KLRG1: variants seen among roughly 807,000 people sequenced by gnomAD.
The protein encoded by KLRG1 is killer cell lectin like receptor G1.
In KLRG1, 16 loss-of-function variants were observed where a neutral mutation model predicts 21.8. The observed-to-expected ratio is 0.73, with a 90% CI of 0.50 to 1.11. The LOEUF (loss-of-function observed/expected upper bound fraction) is 1.11. KLRG1 is among the 50% of genes most tolerant of loss of function. KLRG1 has a pLI of 0.00. For missense variants in KLRG1, 173 were observed against 218.3 expected, an observed-to-expected ratio of 0.79 and a Z score of 1.31; for synonymous variants, 69 against 75.9, an observed-to-expected ratio of 0.91 and a Z score of 0.47.
chr12:9,035,108 A>G, the KLRG1 span, among the ~76,000 whole-genome samples: 1 of 152,232 alleles, frequency 6.6e-6, no homozygotes, highest in African/African-American at 2.4e-5. Flanking sequence ...TGTACAATAC[A>G]TTTGTGTGGT....
chr12:9,157,084 C>T, the KLRG1 span: 17 of 1,272,250 alleles, frequency 1.3e-5, no homozygotes, highest in Middle Eastern at 1.9e-4. Flanking sequence ...TCTCCCTCTC[C>T]GCACCTCCCA....
chr12:9,078,105 C>G, the KLRG1 span, among the ~76,000 whole-genome samples: 2 of 152,238 alleles, frequency 1.3e-5, no homozygotes, highest in East Asian at 3.9e-4. Flanking sequence ...GATACATGTG[C>G]AGAACGTGCA....
At chr12:9,173,917 C>T in the KLRG1 span, among the ~76,000 whole-genome samples, 1 of 152,172 alleles carries the variant, frequency 6.6e-6, no homozygotes, top group Admixed American at 6.5e-5. Flanking sequence ...GAGCTGGTAC[C>T]ATTTCTACTA....
the KLRG1 span, chr12:9,165,379 G>T: frequency 1.2e-5 from 20 of 1,613,386 alleles, no homozygotes; most frequent in African/African-American, 1.6e-4. Context: ...TGGGGAGGAG[G>T]GCAAGTGAAG....
the KLRG1 span, among the ~76,000 whole-genome samples, chr12:9,197,318 G>C: frequency 6.8e-6 from 1 of 147,758 alleles, no homozygotes; most frequent in African/African-American, 2.5e-5. Context: ...TGACTGCACT[G>C]TACCACCACA....
chr12:9,012,920 C>T (rs962615174), downstream of KLRG1, among the ~76,000 whole-genome samples: 9 of 152,190 alleles, frequency 5.9e-5, no homozygotes, highest in African/African-American at 2.2e-4. Context: ...ATGCTGGCTT[C>T]AGGTCTGACC....
the KLRG1 span, chr12:9,169,849 G>C: frequency 3.4e-6 from 1 of 296,938 alleles, no homozygotes; most frequent in Middle Eastern, 9.5e-4. Context: ...CTTCATTGTA[G>C]AGTCTAGAGG....
chr12:8,958,568 C>T (rs994381955), intron 1 of KLRG1, among the ~76,000 whole-genome samples: 6 of 152,118 alleles, frequency 3.9e-5, no homozygotes, highest in Non-Finnish European at 7.3e-5. Context: ...TTAAAAAATC[C>T]TGCTGGGGCA....
chr12:9,208,452 C>T, the KLRG1 span: 1 of 760,880 alleles, frequency 1.3e-6, no homozygotes, highest in South Asian at 1.6e-5. Flanking sequence ...ACAAGCCCCA[C>T]CCCAAGGCCT....
the KLRG1 span, among the ~76,000 whole-genome samples, chr12:9,149,180 AAT>A: frequency 6.6e-6 from 1 of 152,230 alleles, no homozygotes; most frequent in South Asian, 2.1e-4. Flanking sequence ...AGCCATAGCC[AAT>A]GTTAATAATA....
the KLRG1 span, among the ~76,000 whole-genome samples, chr12:9,147,331 C>A: frequency 0.61 from 92,390 of 151,932 alleles, 28,478 homozygotes; most frequent in East Asian, 0.9. Flanking sequence ...CTGGGGAGAA[C>A]CCTCAGAAAA....
chr12:9,043,665 A>G, the KLRG1 span, among the ~76,000 whole-genome samples: 1 of 152,172 alleles, frequency 6.6e-6, no homozygotes, highest in Non-Finnish European at 1.5e-5. Context: ...TTGTAATGTG[A>G]TCTTGCTACT....
At chr12:9,079,406 C>A in the KLRG1 span, 1 of 1,399,168 alleles carries the variant, frequency 7.1e-7, no homozygotes, top group South Asian at 1.2e-5. Context: ...CTAAAAGTAC[C>A]TTGGCTTCTC....
chr12:9,090,353 C>T, the KLRG1 span: 2 of 1,613,890 alleles, frequency 1.2e-6, no homozygotes, highest in East Asian at 2.2e-5. Flanking sequence ...GTTTTTTGCT[C>T]ACCTAATGAC....
At chr12:9,082,805 A>C in the KLRG1 span, among the ~76,000 whole-genome samples, 1 of 152,230 alleles carries the variant, frequency 6.6e-6, no homozygotes, top group Non-Finnish European at 1.5e-5. Flanking sequence ...AATTAAATGA[A>C]ATTTGCAAAA....
chr12:9,187,002 A>T, the KLRG1 span, among the ~76,000 whole-genome samples: 3 of 151,082 alleles, frequency 2.0e-5, no homozygotes, highest in South Asian at 2.1e-4. Context: ...AGTATAATTT[A>T]AAAAAAAAGA....
chr12:9,053,032 A>G, the KLRG1 span, among the ~76,000 whole-genome samples: 1 of 152,320 alleles, frequency 6.6e-6, no homozygotes, highest in Admixed American at 6.5e-5. Context: ...TGTTGATGAG[A>G]CAATGGCCAG....
chr12:9,160,973 A>G, the KLRG1 span: 1 of 1,294,100 alleles, frequency 7.7e-7, no homozygotes, highest in Non-Finnish European at 1.1e-6. Flanking sequence ...ACAAATACGT[A>G]GATAAGATGT....
the KLRG1 span, chr12:9,093,667 CA>C: frequency 1.5e-6 from 1 of 677,006 alleles, no homozygotes; most frequent in Non-Finnish European, 2.3e-6. Context: ...AAAAAAAAAA[CA>C]AAAAACAAAT....
Sources: allele counts gnomAD v4.1 joint callset (sites outside exome capture counted in the v4.1 genomes callset), GRCh38; gene constraint gnomAD v4.1.1; transcripts MANE v1.5; gene names NCBI Gene and HGNC (gene_info 2026-07-23, HGNC 2026-07-21).